ZMYM2: variants seen among roughly 807,000 people sequenced by gnomAD.
ZMYM2 encodes zinc finger MYM-type protein 2.
In ZMYM2, 56 loss-of-function variants were observed where a neutral mutation model predicts 162.8. The observed-to-expected ratio is 0.34, with a 90% CI of 0.28 to 0.43. The LOEUF is 0.43. Among genes scored for constraint, ZMYM2 ranks in the 20% least tolerant of loss-of-function variants. ZMYM2 has a pLI of 1.00. For synonymous variants in ZMYM2, 510 were observed against 541.6 expected (o/e 0.94, Z 0.81); for missense variants, 1,275 against 1,621.8 (o/e 0.79, Z 3.67).
At chr13:20,045,202 T>TAGGAGAATTGC (rs1214866557) in intron 12 of ZMYM2, among the ~76,000 whole-genome samples, 2 of 152,182 alleles carry the variant, frequency 1.3e-5, no homozygotes, top group Non-Finnish European at 1.5e-5. Context: ...ATGATACTAC[T>TAGGAGAATTGC]AGGAGAATTG....
At chr13:19,895,722 G>C in the ZMYM2 span, among the ~76,000 whole-genome samples, 1 of 151,596 alleles carries the variant, frequency 6.6e-6, no homozygotes, top group Non-Finnish European at 1.5e-5. Flanking sequence ...ATCACATTAG[G>C]GATTAAATTT....
the ZMYM2 span, among the ~76,000 whole-genome samples, chr13:19,932,297 G>A: frequency 6.6e-6 from 1 of 152,136 alleles, no homozygotes; most frequent in South Asian, 2.1e-4. Context: ...AGGTAATGAG[G>A]TTTAGAGGAA....
the ZMYM2 span, among the ~76,000 whole-genome samples, chr13:19,906,511 CT>C: frequency 7.0e-6 from 1 of 143,636 alleles, no homozygotes; most frequent in Non-Finnish European, 1.5e-5. Flanking sequence ...TATTTGTTTT[CT>C]ATATATCACA....
At chr13:19,890,410 C>A in the ZMYM2 span, among the ~76,000 whole-genome samples, 1 of 150,006 alleles carries the variant, frequency 6.7e-6, no homozygotes, top group Non-Finnish European at 1.5e-5. Context: ...TCAAGCAATC[C>A]TCCTGCCTCG....
chr13:19,957,144 TTA>T (rs1195472306), upstream of ZMYM2, among the ~76,000 whole-genome samples: 1 of 152,092 alleles, frequency 6.6e-6, no homozygotes, highest in African/African-American at 2.4e-5. Flanking sequence ...CCTACTTGAT[TTA>T]TTTTTTTTAA....
At position 19,962,754 on chromosome 13, in the gene ZMYM2, C is replaced by T. The variant is rs187755189; in HGVS notation, c.-11+2728C>T. Among the ~76,000 whole-genome samples the T allele has an allele frequency of 1.1e-3, 163 of 150,934 alleles. 1 individual carries two copies. The Middle Eastern group carries it at 0.014, about 13-fold the overall frequency. On this transcript the variant is annotated intron_variant, in intron 2 of 24. Coordinates refer to ENST00000610343, the MANE Select transcript of ZMYM2 (RefSeq NM_197968.4). ...GGTCAGGCTGATCTCGAACTCCTGG[C>T]CTCAAGTTATTCGCCTGCCTCAGCC...
chr13:20,033,682 C>G (rs904305828), intron 10 of ZMYM2, among the ~76,000 whole-genome samples: 2 of 152,160 alleles, frequency 1.3e-5, no homozygotes, highest in African/African-American at 4.8e-5. Flanking sequence ...AAAAGTAGCT[C>G]TGGCTATTGT....
chr13:19,992,823 A>G (rs976335873), intron 2 of ZMYM2, among the ~76,000 whole-genome samples: 10 of 152,072 alleles, frequency 6.6e-5, no homozygotes, highest in African/African-American at 2.4e-4. Flanking sequence ...TATATTGCAT[A>G]TGATTAATTA....
intron 9 of ZMYM2, among the ~76,000 whole-genome samples, chr13:20,030,393 A>C (rs554648056): frequency 1.8e-4 from 21 of 113,730 alleles, no homozygotes; most frequent in African/African-American, 6.6e-4. Flanking sequence ...CACCATGCTC[A>C]GCTAATTTTT....
chr13:20,016,015 C>G (rs888584612), intron 6 of ZMYM2, among the ~76,000 whole-genome samples: 1 of 151,860 alleles, frequency 6.6e-6, no homozygotes, highest in Non-Finnish European at 1.5e-5. Flanking sequence ...AACATAATTA[C>G]CAATAAGGAA....
the ZMYM2 span, among the ~76,000 whole-genome samples, chr13:19,922,541 T>G: frequency 6.6e-6 from 1 of 152,054 alleles, no homozygotes; most frequent in Non-Finnish European, 1.5e-5. Flanking sequence ...ATTTTTTTTC[T>G]CCATATGAAA....
At chr13:20,072,822 G>T (rs140400239) in intron 21 of ZMYM2, among the ~76,000 whole-genome samples, 1 of 151,788 alleles carries the variant, frequency 6.6e-6, no homozygotes, top group Admixed American at 6.6e-5. Flanking sequence ...CATCAAAGTC[G>T]TCAAATTTGT....
chr13:19,996,923 T>G (rs536773362), intron 3 of ZMYM2, among the ~76,000 whole-genome samples: 124 of 151,884 alleles, frequency 8.2e-4, no homozygotes, highest in Non-Finnish European at 1.4e-3. Flanking sequence ...AGGTGTGGGG[T>G]GTGGAGCTGT....
At chr13:19,884,169 A>C in the ZMYM2 span, among the ~76,000 whole-genome samples, 1 of 152,132 alleles carries the variant, frequency 6.6e-6, no homozygotes, top group Non-Finnish European at 1.5e-5. Context: ...TGAGTTTTAC[A>C]ACAGCCAGGA....
chr13:19,898,526 C>A, the ZMYM2 span, among the ~76,000 whole-genome samples: 1 of 152,134 alleles, frequency 6.6e-6, no homozygotes, highest in Non-Finnish European at 1.5e-5. Context: ...AGCCACCGCA[C>A]CCAGCCAAGA....
the ZMYM2 span, among the ~76,000 whole-genome samples, chr13:19,934,628 C>T: frequency 2.0e-5 from 3 of 151,940 alleles, no homozygotes; most frequent in South Asian, 6.2e-4. Context: ...TTCTCTTTTT[C>T]CTTCTTTTGG....
Position 20,086,472 on chromosome 13 carries a change from A to C in ZMYM2, c.*458A>C, listed in dbSNP as rs1958273511. On this transcript the variant is annotated 3_prime_UTR_variant, in exon 25 of 25. Transcript: ENST00000610343. ...GTGTCTTTCGGAATTTTTAAAATAA[A>C]CTGTAAACTAATAGGCTGGGGTTTT... 1 of 221,254 alleles carries C rather than the reference A, an allele frequency of 4.5e-6. No homozygotes were observed. Among genetic ancestry groups the C allele is most frequent in the African/African-American group, 2.2e-5 (1 of 44,798 alleles). 13.7% of individuals were successfully genotyped at this position (221,254 alleles called of 1,614,324 possible).
chr13:20,060,133 A>G (rs906821369), intron 16 of ZMYM2, among the ~76,000 whole-genome samples: 3 of 152,220 alleles, frequency 2.0e-5, no homozygotes, highest in Non-Finnish European at 4.4e-5. Context: ...TTTGGTATCC[A>G]TCCACAGGTG....
the ZMYM2 span, among the ~76,000 whole-genome samples, chr13:19,939,907 A>G: frequency 0.073 from 11,135 of 152,276 alleles, 536 homozygotes; most frequent in African/African-American, 0.13. Context: ...AGGCAGCATG[A>G]TATGTCACTC....
Sources: allele counts gnomAD v4.1 joint callset (sites outside exome capture counted in the v4.1 genomes callset), GRCh38; gene constraint gnomAD v4.1.1; transcripts MANE v1.5; gene names NCBI Gene and HGNC (gene_info 2026-07-23, HGNC 2026-07-21).